Variants in CDCA8 observed in about 807,000 individuals in gnomAD.
CDCA8 encodes the protein cell division cycle associated 8.
A neutral mutation model predicts 40.0 loss-of-function variants in CDCA8; 25 were observed. That is an observed-to-expected ratio of 0.63 (90% CI 0.46 to 0.87). CDCA8 has a LOEUF of 0.87. CDCA8 is among the 40% of genes least tolerant of loss of function. The pLI, the probability that CDCA8 is intolerant of heterozygous loss-of-function variation, is 0.00. For missense variants in CDCA8, 280 were observed against 348.4 expected (o/e 0.80, Z 1.56); for synonymous variants, 111 against 126.5 (o/e 0.88, Z 0.82).
intron 7 of CDCA8, among the ~76,000 whole-genome samples, chr1:37,703,580 G>A (rs1002597897): frequency 2.0e-5 from 3 of 152,192 alleles, no homozygotes; most frequent in African/African-American, 4.8e-5. Context: ...GTTGGGTGTG[G>A]TGGTGCACGC....
intron 9 of CDCA8, 92 bp from the exon 10 acceptor site, chr1:37,708,230 A>C: frequency 9.3e-7 from 1 of 1,069,942 alleles, no homozygotes; most frequent in South Asian, 1.3e-5. Flanking sequence ...ATACAGATAG[A>C]GAATGGAGGG....
At chr1:37,695,206 A>T (rs1003436440) in intron 2 of CDCA8, among the ~76,000 whole-genome samples, 3 of 151,856 alleles carry the variant, frequency 2.0e-5, no homozygotes, top group Non-Finnish European at 4.4e-5. Flanking sequence ...AAAAATAATT[A>T]AAAATAAATT....
In CDCA8 at chr1:37,692,804, C is replaced by T. The variant is rs1310565626; in HGVS notation, c.94+20C>T. On this transcript the variant is annotated intron_variant, in intron 1 of 9. Coordinates refer to ENST00000373055, the MANE Select transcript of CDCA8 (RefSeq NM_001256875.2). ...GTGAAGGTAAGGGGCCAGGCCGTCG[C>T]GGCCTCCTGGGGCGGTCGCGGGATG... The T allele has an allele frequency of 1.5e-5, 25 of 1,613,146 alleles. No homozygotes were observed. Among genetic ancestry groups the T allele is most frequent in the Non-Finnish European group, 2.0e-5 (23 of 1,179,408 alleles).
intron 7 of CDCA8, among the ~76,000 whole-genome samples, chr1:37,703,653 T>C (rs1219573752): frequency 6.6e-6 from 1 of 151,444 alleles, no homozygotes; most frequent in Non-Finnish European, 1.5e-5. Context: ...GAGGTGGAGG[T>C]TGCAGTGAGC....
Position 37,692,644 on chromosome 1 carries a change from C to A in CDCA8, c.-47C>A. On this transcript the variant is annotated 5_prime_UTR_variant, in exon 1 of 10. Transcript: ENST00000373055. Reference sequence around the variant, plus strand: ...CTCCTCGTCCCTACCCAGTTTCTTGCTTCCCTGCCCCATCTCCGCCGCTCC... The same window carrying A: ...CTCCTCGTCCCTACCCAGTTTCTTGATTCCCTGCCCCATCTCCGCCGCTCC... 1 of 1,501,744 alleles carries A rather than the reference C, an allele frequency of 6.7e-7. No homozygotes were observed. Among genetic ancestry groups the A allele is most frequent in the Non-Finnish European group, 9.2e-7 (1 of 1,087,198 alleles). The allele number at this position is 1,501,744 out of a possible 1,614,324, so 93.0% of individuals were successfully genotyped here. A position where few individuals can be genotyped will look rare whatever the true frequency, so the allele number is the denominator to read the frequency against.
chr1:37,696,629 C>T lies in CDCA8; in HGVS notation c.264+679C>T, dbSNP rs1259671707. On this transcript the variant is annotated intron_variant, in intron 3 of 9. Coordinates refer to ENST00000373055, the MANE Select transcript of CDCA8 (RefSeq NM_001256875.2). This position sits in a 1 kb window ranked among gnomAD's most constrained non-coding sequence, Gnocchi z 5.0. Reference sequence around the variant, plus strand: ...TTATGAGACAGCATTGGGAACTAGTCCATACATGGGCTTCACAGAGTCCCT... The same window carrying T: ...TTATGAGACAGCATTGGGAACTAGTTCATACATGGGCTTCACAGAGTCCCT... Among the ~76,000 whole-genome samples, 1 of 152,230 alleles carries T rather than the reference C, an allele frequency of 6.6e-6. No homozygotes were observed. Among genetic ancestry groups the T allele is most frequent in the African/African-American group, 2.4e-5 (1 of 41,466 alleles).
chr1:37,694,928 C>T (rs573553679), intron 2 of CDCA8, among the ~76,000 whole-genome samples: 42 of 152,296 alleles, frequency 2.8e-4, no homozygotes, highest in Non-Finnish European at 5.1e-4. Flanking sequence ...TAGATTTTTG[C>T]CAGAAGCAAA....
chr1:37,703,424 A>T (rs1645578626), intron 7 of CDCA8, 77 bp downstream of exon 7: 2 of 1,112,320 alleles, frequency 1.8e-6, no homozygotes, highest in Non-Finnish European at 2.8e-6. Flanking sequence ...TGTCTAAGAA[A>T]ATACTCCTAG....
chr1:37,707,351 C>T (rs1427831544), intron 9 of CDCA8, among the ~76,000 whole-genome samples: 1 of 152,212 alleles, frequency 6.6e-6, no homozygotes, highest in Non-Finnish European at 1.5e-5. Context: ...TGTTAGGTCA[C>T]TATTGGCCAC....
intron 6 of CDCA8, among the ~76,000 whole-genome samples, chr1:37,702,627 C>T (rs1262822494): frequency 6.6e-6 from 1 of 152,054 alleles, no homozygotes; most frequent in Non-Finnish European, 1.5e-5. Context: ...GGGGAGCCTT[C>T]GCATGAAGAG....
chr1:37,705,500 CA>C lies in CDCA8; in HGVS notation c.645del (p.Asn217MetfsTer120). ...PAAGERIYNI[S>X]GNGSPLADSK... ...GCAGGAGAGCGGATTTACAACATCT[CA>C]GGGAATGGCAGCCCTCTTGCTGACA... On this transcript the variant is annotated frameshift_variant, in exon 8 of 10. Transcript: ENST00000373055. LOFTEE classifies it high-confidence loss of function. 1 of 1,613,982 alleles carries C rather than the reference CA, an allele frequency of 6.2e-7. No individual in the cohort carries two copies. Among genetic ancestry groups the C allele is most frequent in the Non-Finnish European group, 8.5e-7 (1 of 1,180,018 alleles).
Position 37,692,990 on chromosome 1 carries a change from G to A in CDCA8, c.180G>A (p.Arg60=). The A allele has an allele frequency of 6.2e-7, 1 of 1,614,076 alleles. No individual in the cohort carries two copies. The highest frequency in any genetic ancestry group is 8.5e-7 in the Non-Finnish European group (1 of 1,180,012). Residue 60 remains arginine, a synonymous_variant, in exon 2 of 10, where the codon CGG becomes CGA. Coordinates refer to ENST00000373055, the MANE Select transcript of CDCA8 (RefSeq NM_001256875.2). ...VDNLYNIEIL[R]LPKALREMNW... The stretch of plus-strand genomic sequence containing the variant: ...ACCTCTACAACATCGAGATCCTGCG[G>A]CTCCCCAAGGCTCTGCGCGAGATGA...
chr1:37,705,498 C>G lies in CDCA8; in HGVS notation c.642C>G (p.Ile214Met). The G allele has an allele frequency of 3.1e-6, 5 of 1,614,024 alleles. No homozygotes were observed. Among genetic ancestry groups the G allele is most frequent in the Non-Finnish European group, 4.2e-6 (5 of 1,180,012 alleles). ...TPAAGERIYN[I>M]SGNGSPLADS... ...CAGCAGGAGAGCGGATTTACAACAT[C>G]TCAGGGAATGGCAGCCCTCTTGCTG... The change falls in exon 8 of 10, where the codon ATC (isoleucine) becomes ATG (methionine). Residue 214 changes from isoleucine to methionine, a missense_variant. By Grantham distance (10) the Ile-to-Met change is conservative. Transcript: ENST00000373055.
At chr1:37,703,834 G>A (rs1645581064) in intron 7 of CDCA8, among the ~76,000 whole-genome samples, 2 of 152,214 alleles carry the variant, frequency 1.3e-5, no homozygotes, top group Admixed American at 6.5e-5. Flanking sequence ...CCTATCTTCA[G>A]TGGCAAAATG....
In CDCA8 at chr1:37,692,958, G is replaced by A. The variant is rs1169929067; in HGVS notation, c.148G>A (p.Val50Met). ...AGACAGGCAGAACCTCCTCAAGGAG[G>A]TGGATAACCTCTACAACATCGAGAT... is the stretch of plus-strand genomic sequence containing the variant. ...ESDRQNLLKE[V>M]DNLYNIEILR... is the part of the protein sequence containing the mutation. Residue 50 changes from valine (V) to methionine (M), a missense_variant, in exon 2 of 10, where the codon GTG becomes ATG. Physicochemically the swap from Val to Met is conservative, Grantham distance 21. Transcript: ENST00000373055. 4.3e-6 allele frequency: 7 copies of A among 1,614,040 alleles called. No homozygotes were observed. In the Admixed American group the frequency reaches 8.3e-5, roughly 19 times the overall value.
At position 37,695,943 on chromosome 1, in the gene CDCA8, C is replaced by T. The variant is rs765476841; in HGVS notation, c.257C>T (p.Ala86Val). ...GGAAACAAACAGGCCCTGGAAGAGG[C>T]GGCAACAGTAAGTGACCTTTCCTAT... is the stretch of plus-strand genomic sequence containing the variant. The part of the protein sequence containing the change: ...LGGNKQALEE[A>V]ATADLDITEI... Residue 86 changes from alanine to valine, a missense_variant, in exon 3 of 10, where the codon GCG (alanine) becomes GTG (valine). Transcript: ENST00000373055. The T allele has an allele frequency of 3.6e-5, 58 of 1,613,534 alleles. No individual in the cohort carries two copies. In the South Asian group the frequency reaches 5.1e-4, roughly 14 times the overall value.
At chr1:37,695,219 T>TA (rs909464984) in intron 2 of CDCA8, among the ~76,000 whole-genome samples, 4 of 149,906 alleles carry the variant, frequency 2.7e-5, no homozygotes. Flanking sequence ...AATAAATTTT[T>TA]AAAAAAGAAA....
rs375434570 is a variant in CDCA8 at position 37,700,414 on chromosome 1, C to G, written c.338-22C>G. On this transcript the variant is annotated intron_variant, in intron 4 of 9. Coordinates refer to ENST00000373055, the MANE Select transcript of CDCA8 (RefSeq NM_001256875.2). ...CTTTATTTTCATCAGAAATACCACC[C>G]TGTTGAAACTGTTTCTTACAGCACG... 4 of 1,395,900 alleles carry G rather than the reference C, an allele frequency of 2.9e-6. No individual in the cohort carries two copies. In the Admixed American group the frequency reaches 5.1e-5, roughly 18 times the overall value. The allele number at this position is 1,395,900 out of a possible 1,614,324, so 86.5% of individuals were successfully genotyped here.
intron 2 of CDCA8, among the ~76,000 whole-genome samples, chr1:37,694,150 GAC>G (rs1415989820): frequency 6.6e-6 from 1 of 152,098 alleles, no homozygotes; most frequent in Non-Finnish European, 1.5e-5. Context: ...CAAAAAAAAA[GAC>G]ACATCAGTTT....
Sources: gnomAD v4.1 joint callset for allele counts (sites outside exome capture counted in the v4.1 genomes callset) on GRCh38, gnomAD v4.1.1 for gene constraint, Gnocchi (gnomAD v3.1) non-coding constraint, MANE v1.5 for transcripts, NCBI Gene and HGNC (gene_info 2026-07-23, HGNC 2026-07-21) for gene names.